The following RAD51B variants were observed in gnomAD, a reference collection of about 807,000 sequenced individuals.
The protein encoded by RAD51B is RAD51 paralog B, also known as DNA repair protein RAD51 homolog 2.
Under a neutral mutation model 42.2 loss-of-function variants are expected in RAD51B, and 38 were observed. The observed-to-expected ratio is 0.90, with a 90% CI of 0.70 to 1.18. The LOEUF is 1.18. Ranked by LOEUF, RAD51B falls within the 50% of genes most tolerant of loss-of-function variation. RAD51B has a pLI of 0.00. For missense variants in RAD51B, 373 were observed against 400.7 expected, an observed-to-expected ratio of 0.93 and a Z score of 0.59; for synonymous variants, 154 against 145.2, an observed-to-expected ratio of 1.06 and a Z score of -0.43.
chr14:68,659,754 G>A (rs1892896243), intron 11 of RAD51B, among the ~76,000 whole-genome samples: 1 of 152,212 alleles, frequency 6.6e-6, no homozygotes, highest in Non-Finnish European at 1.5e-5. Context: ...GGCCCTATGG[G>A]CCCAATCTGG....
chr14:68,316,945 C>T (rs1159653174), intron 8 of RAD51B, among the ~76,000 whole-genome samples: 4 of 152,044 alleles, frequency 2.6e-5, no homozygotes, highest in Non-Finnish European at 5.9e-5. Flanking sequence ...CTTAGAACTT[C>T]GTTGGAGTTA....
At chr14:68,654,166 GA>G (rs1354744724) in intron 11 of RAD51B, among the ~76,000 whole-genome samples, 1 of 152,260 alleles carries the variant, frequency 6.6e-6, no homozygotes, top group Admixed American at 6.5e-5. Flanking sequence ...GGCAGGATTT[GA>G]AAGCTCTTTC....
intron 9 of RAD51B, among the ~76,000 whole-genome samples, chr14:68,454,762 T>A (rs905097274): frequency 6.6e-6 from 1 of 152,224 alleles, no homozygotes; most frequent in Non-Finnish European, 1.5e-5. Context: ...AAACAGCCAG[T>A]GGTAATTGCT....
chr14:68,232,041 G>A (rs2080159939), intron 7 of RAD51B, among the ~76,000 whole-genome samples: 1 of 152,110 alleles, frequency 6.6e-6, no homozygotes, highest in Admixed American at 6.6e-5. Context: ...TGTACACAAA[G>A]TAAAAGGGCA....
At chr14:67,980,925 G>C (rs1260305826) in intron 7 of RAD51B, among the ~76,000 whole-genome samples, 1 of 152,138 alleles carries the variant, frequency 6.6e-6, no homozygotes, top group Non-Finnish European at 1.5e-5. Flanking sequence ...CTTGAAAAGA[G>C]AATGAGAAGG....
rs1423510396 is a variant in RAD51B, at chr14:68,650,754, CA to C, written c.1037-25del. Reference sequence around the variant, plus strand: ...AAAATAGGAAAAGCTAGGTTCCTTACAACCTATTTACTTTTTGTTTACACAG... The same window carrying C: ...AAAATAGGAAAAGCTAGGTTCCTTACACCTATTTACTTTTTGTTTACACAG... On this transcript the variant is annotated intron_variant, in intron 10 of 11. Coordinates refer to the RAD51B transcript ENST00000488612. 1.1e-5 allele frequency: 8 copies of C among 745,774 alleles called. No homozygotes were observed. In the African/African-American group the frequency reaches 1.4e-4, roughly 13 times the overall value. 46.2% of individuals were successfully genotyped at this position (745,774 alleles called of 1,614,324 possible).
At chr14:68,374,855 G>A (rs1460075074) in intron 8 of RAD51B, among the ~76,000 whole-genome samples, 1 of 150,742 alleles carries the variant, frequency 6.6e-6, no homozygotes, top group Non-Finnish European at 1.5e-5. Context: ...CTGCGCTGAG[G>A]GATCACTAAA....
At chr14:67,851,364 G>A (rs775516711) in intron 4 of RAD51B, among the ~76,000 whole-genome samples, 1 of 151,250 alleles carries the variant, frequency 6.6e-6, no homozygotes, top group Non-Finnish European at 1.5e-5. Flanking sequence ...GCACTTAGGC[G>A]GTGGGAGCCC....
At chr14:67,880,544 A>G (rs2042871920) in intron 5 of RAD51B, among the ~76,000 whole-genome samples, 1 of 152,240 alleles carries the variant, frequency 6.6e-6, no homozygotes, top group African/African-American at 2.4e-5. Flanking sequence ...GCAATGGGCC[A>G]TAGTGCACAG....
intron 7 of RAD51B, among the ~76,000 whole-genome samples, chr14:68,069,131 G>C (rs1471994290): frequency 6.6e-6 from 1 of 152,126 alleles, no homozygotes; most frequent in African/African-American, 2.4e-5. Flanking sequence ...GCCAGACATT[G>C]ATGAGAATTG....
At chr14:68,641,695 C>T (rs1378276537) in intron 10 of RAD51B, among the ~76,000 whole-genome samples, 1 of 151,558 alleles carries the variant, frequency 6.6e-6, no homozygotes, top group Non-Finnish European at 1.5e-5. Context: ...TTGATCCACT[C>T]AATAGAATCA....
At chr14:68,133,112 G>C (rs905571263) in intron 7 of RAD51B, among the ~76,000 whole-genome samples, 1 of 152,216 alleles carries the variant, frequency 6.6e-6, no homozygotes, top group Non-Finnish European at 1.5e-5. Context: ...GTATTCAAAG[G>C]TTAGCTCAAT....
intron 8 of RAD51B, chr14:68,338,643 T>C (rs2082507009): frequency 3.1e-6 from 1 of 318,452 alleles, no homozygotes; most frequent in African/African-American, 2.2e-5. Flanking sequence ...TGTATCTTTA[T>C]GCTTGCCATA....
intron 8 of RAD51B, among the ~76,000 whole-genome samples, chr14:68,400,156 C>T (rs2084057012): frequency 6.6e-6 from 1 of 152,172 alleles, no homozygotes. Flanking sequence ...GAGCTGATTT[C>T]CTGAAGGCAA....
intron 7 of RAD51B, among the ~76,000 whole-genome samples, chr14:68,085,291 GTATAGAT>G (rs990138093): frequency 6.6e-6 from 1 of 152,160 alleles, no homozygotes; most frequent in Admixed American, 6.5e-5. Context: ...TAGGCTGGAT[GTATAGAT>G]TGGGTGTTCT....
intron 7 of RAD51B, among the ~76,000 whole-genome samples, chr14:68,205,420 T>C (rs1249657113): frequency 6.6e-6 from 1 of 151,916 alleles, no homozygotes; most frequent in Non-Finnish European, 1.5e-5. Context: ...ACATGAAGGA[T>C]GAATGGGCAG....
chr14:68,294,779 C>A (rs1300697434), intron 8 of RAD51B, among the ~76,000 whole-genome samples: 1 of 152,216 alleles, frequency 6.6e-6, no homozygotes, highest in African/African-American at 2.4e-5. Flanking sequence ...TAAAAAGGAT[C>A]TTTAATAAAT....
At chr14:68,668,855 T>C (rs1339381190) in intron 11 of RAD51B, among the ~76,000 whole-genome samples, 1 of 152,252 alleles carries the variant, frequency 6.6e-6, no homozygotes, top group East Asian at 1.9e-4. Flanking sequence ...CAGGATCTTC[T>C]CTGTGCCCAA....
At chr14:68,427,033 G>T (rs897315362) in intron 9 of RAD51B, among the ~76,000 whole-genome samples, 2 of 152,338 alleles carry the variant, frequency 1.3e-5, no homozygotes, top group South Asian at 2.1e-4. Flanking sequence ...CTAGAGGCAC[G>T]AGTAGTAAGC....
Sources: gnomAD v4.1 joint callset for allele counts (sites outside exome capture counted in the v4.1 genomes callset) on GRCh38, gnomAD v4.1.1 for gene constraint, MANE v1.5 for transcripts, NCBI Gene and HGNC (gene_info 2026-07-23, HGNC 2026-07-21) for gene names.